GALNTL6: variants seen among roughly 807,000 people sequenced by gnomAD.
The protein encoded by GALNTL6 is polypeptide N-acetylgalactosaminyltransferase like 6.
GALNTL6 carries 46 observed loss-of-function variants against 73.7 expected under a neutral mutation model. That is an observed-to-expected ratio of 0.62 (90% confidence interval 0.49 to 0.80). GALNTL6 has a LOEUF of 0.80. GALNTL6 is among the 30% of genes least tolerant of loss of function. The pLI, the probability that GALNTL6 is intolerant of heterozygous loss-of-function variation, is 0.00. For synonymous variants in GALNTL6, 259 were observed against 263.7 expected, an observed-to-expected ratio of 0.98 and a Z score of 0.17; for missense variants, 604 against 755.0, an observed-to-expected ratio of 0.80 and a Z score of 2.34.
intron 4 of GALNTL6, among the ~76,000 whole-genome samples, chr4:172,345,167 A>G (rs1054903121): frequency 6.6e-6 from 1 of 150,994 alleles, no homozygotes; most frequent in Non-Finnish European, 1.5e-5. Flanking sequence ...TAACTTGCCC[A>G]TTGTCACACA....
At chr4:172,118,422 C>T (rs577569421) in intron 2 of GALNTL6, among the ~76,000 whole-genome samples, 5 of 151,940 alleles carry the variant, frequency 3.3e-5, no homozygotes, top group African/African-American at 7.2e-5. Flanking sequence ...AGGAGGGGCC[C>T]GGTGCAGTGG....
chr4:172,066,420 CT>C (rs1260195686), intron 2 of GALNTL6, among the ~76,000 whole-genome samples: 6 of 151,996 alleles, frequency 3.9e-5, no homozygotes, highest in African/African-American at 1.5e-4. Context: ...CTTTTCATGA[CT>C]TTCTTTGCTT....
At chr4:171,914,315 G>A (rs945566351) in intron 2 of GALNTL6, among the ~76,000 whole-genome samples, 5 of 151,350 alleles carry the variant, frequency 3.3e-5, no homozygotes, top group East Asian at 1.9e-4. Context: ...TGGTTATCCC[G>A]ACAAGAAAGT....
At chr4:172,917,962 TGGC>T (rs1747608803) in intron 8 of GALNTL6, among the ~76,000 whole-genome samples, 1 of 152,174 alleles carries the variant, frequency 6.6e-6, no homozygotes, top group Non-Finnish European at 1.5e-5. Flanking sequence ...ATGTTTATTG[TGGC>T]ACTATTCACA....
chr4:172,274,525 G>A (rs1738763824), intron 3 of GALNTL6, among the ~76,000 whole-genome samples: 1 of 152,154 alleles, frequency 6.6e-6, no homozygotes, highest in Non-Finnish European at 1.5e-5. Context: ...TTAATGGGTG[G>A]TTGTTCATAT....
At chr4:171,952,705 A>G (rs1738920925) in intron 2 of GALNTL6, among the ~76,000 whole-genome samples, 1 of 152,058 alleles carries the variant, frequency 6.6e-6, no homozygotes, top group Admixed American at 6.6e-5. Context: ...ATTCTAACAT[A>G]GGAGAGCTAC....
intron 8 of GALNTL6, among the ~76,000 whole-genome samples, chr4:172,883,432 G>T (rs1359895982): frequency 1.3e-5 from 2 of 152,206 alleles, no homozygotes; most frequent in African/African-American, 4.8e-5. Context: ...GCTTCAGGAA[G>T]CTTTTAATCA....
chr4:172,704,606 T>C (rs1408086160), intron 5 of GALNTL6, among the ~76,000 whole-genome samples: 1 of 152,000 alleles, frequency 6.6e-6, no homozygotes, highest in Admixed American at 6.6e-5. Context: ...ATTTTTTGGC[T>C]TAACACGTGG....
chr4:172,469,610 G>A (rs747263536), intron 5 of GALNTL6, among the ~76,000 whole-genome samples: 9 of 152,102 alleles, frequency 5.9e-5, no homozygotes, highest in Non-Finnish European at 1.0e-4. Flanking sequence ...ACTCTGGTCA[G>A]CAGAGCAAGA....
intron 2 of GALNTL6, among the ~76,000 whole-genome samples, chr4:172,047,396 G>A (rs1742252403): frequency 6.6e-6 from 1 of 152,090 alleles, no homozygotes; most frequent in African/African-American, 2.4e-5. Flanking sequence ...TATCAGAAAT[G>A]GGAGACTGCA....
At chr4:172,707,669 T>G (rs1246133439) in intron 5 of GALNTL6, among the ~76,000 whole-genome samples, 2 of 152,150 alleles carry the variant, frequency 1.3e-5, no homozygotes, top group African/African-American at 2.4e-5. Flanking sequence ...TTGTGACAGG[T>G]GTCAAGACTG....
chr4:171,870,829 G>A (rs1736115882), intron 2 of GALNTL6, among the ~76,000 whole-genome samples: 1 of 152,182 alleles, frequency 6.6e-6, no homozygotes, highest in South Asian at 2.1e-4. Flanking sequence ...TAGAGCCTAG[G>A]AGGGAGGCTT....
chr4:172,226,470 G>A (rs1040460287), intron 2 of GALNTL6, among the ~76,000 whole-genome samples: 109 of 151,850 alleles, frequency 7.2e-4, no homozygotes, highest in African/African-American at 2.6e-3. Flanking sequence ...CATTTGCTTA[G>A]TTTTTAATAT....
intron 10 of GALNTL6, among the ~76,000 whole-genome samples, chr4:172,974,618 T>C (rs905280817): frequency 6.6e-6 from 1 of 152,182 alleles, no homozygotes; most frequent in Non-Finnish European, 1.5e-5. Flanking sequence ...TGTGGTATCT[T>C]TGGTAGAGTT....
At chr4:172,927,769 G>A (rs1201943133) in intron 8 of GALNTL6, among the ~76,000 whole-genome samples, 3 of 152,112 alleles carry the variant, frequency 2.0e-5, no homozygotes, top group African/African-American at 7.2e-5. Flanking sequence ...TTCTCACATG[G>A]AAGCCCAGAG....
At chr4:172,523,764 T>C (rs569128266) in intron 5 of GALNTL6, among the ~76,000 whole-genome samples, 3 of 152,268 alleles carry the variant, frequency 2.0e-5, no homozygotes, top group African/African-American at 7.2e-5. Context: ...ACAATTATCT[T>C]CTCATGCTCC....
chr4:171,898,342 A>G (rs1487436105), intron 2 of GALNTL6, among the ~76,000 whole-genome samples: 4 of 152,132 alleles, frequency 2.6e-5, no homozygotes, highest in African/African-American at 4.8e-5. Context: ...CGATTCAACA[A>G]TCTTATTCCT....
chr4:172,348,613 C>G lies in GALNTL6; in HGVS notation c.477C>G (p.Thr159=). The stretch of plus-strand genomic sequence containing the variant: ...AAGGTTGGACTTCACTCCTGCGGAC[C>G]ATACACAGTATAATTAACCGAACCC... ...HNEGWTSLLR[T]IHSIINRTPG... Residue 159 remains threonine (T), a synonymous_variant, in exon 5 of 13, where the codon ACC becomes ACG. Transcript: ENST00000506823. The G allele has an allele frequency of 6.2e-7, 1 of 1,612,360 alleles. No individual in the cohort carries two copies. Among genetic ancestry groups the G allele is most frequent in the African/African-American group, 1.3e-5 (1 of 74,974 alleles).
intron 2 of GALNTL6, among the ~76,000 whole-genome samples, chr4:172,034,565 T>G (rs1206783361): frequency 6.6e-6 from 1 of 152,068 alleles, no homozygotes; most frequent in African/African-American, 2.4e-5. Context: ...TGGTGTGATG[T>G]GCACACTTAG....
Sources: gnomAD v4.1 joint callset for allele counts (sites outside exome capture counted in the v4.1 genomes callset) on GRCh38, gnomAD v4.1.1 for gene constraint, MANE v1.5 for transcripts, NCBI Gene and HGNC (gene_info 2026-07-23, HGNC 2026-07-21) for gene names.